The following SGCZ variants were observed in gnomAD, a reference collection of about 807,000 sequenced individuals.
SGCZ encodes zeta-sarcoglycan.
SGCZ carries 40 observed loss-of-function variants against 41.3 expected under a neutral mutation model. The observed-to-expected ratio is 0.97, with a 90% confidence interval of 0.75 to 1.26. The LOEUF (loss-of-function observed/expected upper bound fraction) is 1.26, where lower values mean the gene tolerates loss of function less well. SGCZ is among the 50% of genes most tolerant of loss of function. The probability of loss-of-function intolerance (pLI) is 0.00; values close to 1 mark genes in which losing one functional copy is unlikely to be tolerated. For synonymous variants in SGCZ, 206 were observed against 137.5 expected, an observed-to-expected ratio of 1.50 and a Z score of -3.49; for missense variants, 552 against 369.8, an observed-to-expected ratio of 1.49 and a Z score of -4.04.
chr8:14,326,516 G>A (rs115917355), intron 2 of SGCZ, among the ~76,000 whole-genome samples: 1 of 152,208 alleles, frequency 6.6e-6, no homozygotes, highest in South Asian at 2.1e-4. Flanking sequence ...GAGGTGACGA[G>A]GTCTGGATTG....
At chr8:14,888,095 T>C (rs1804877554) in intron 1 of SGCZ, among the ~76,000 whole-genome samples, 1 of 152,290 alleles carries the variant, frequency 6.6e-6, no homozygotes, top group African/African-American at 2.4e-5. Context: ...ATATAATTTG[T>C]CAAGATGTAA....
intron 1 of SGCZ, among the ~76,000 whole-genome samples, chr8:15,088,598 A>G (rs974591926): frequency 4.6e-5 from 4 of 87,460 alleles, no homozygotes; most frequent in African/African-American, 1.2e-4. Flanking sequence ...GACATTTGAG[A>G]CTTAAAGCTA....
At position 15,066,285 on chromosome 8, in the gene SGCZ, G is replaced by A. The variant is rs574987682; in HGVS notation, c.39+171300C>T. Among the ~76,000 whole-genome samples the A allele has an allele frequency of 2.1e-3, 314 of 147,326 alleles. 1 individual carries two copies. The highest frequency in any genetic ancestry group is 7.5e-3 in the African/African-American group (299 of 39,976). On this transcript the variant is annotated intron_variant, in intron 1 of 7. Coordinates refer to ENST00000382080, the MANE Select transcript of SGCZ (RefSeq NM_139167.4). ...ATTGCGCCACTGCAGTCCGCAGTCC[G>A]GCCTGGGCGACAGAGCGAGACTCCG...
intron 1 of SGCZ, among the ~76,000 whole-genome samples, chr8:14,565,817 C>T (rs1246084309): frequency 6.6e-6 from 1 of 152,052 alleles, no homozygotes; most frequent in African/African-American, 2.4e-5. Context: ...GCTTCCATAA[C>T]ACTGATAATA....
intron 1 of SGCZ, among the ~76,000 whole-genome samples, chr8:15,179,364 G>A (rs1800095902): frequency 6.6e-6 from 1 of 152,062 alleles, no homozygotes; most frequent in Non-Finnish European, 1.5e-5. Context: ...AAAAAACTGA[G>A]AATACAGATT....
intron 2 of SGCZ, among the ~76,000 whole-genome samples, chr8:14,428,490 A>G (rs546320537): frequency 1.4e-4 from 22 of 152,174 alleles, no homozygotes; most frequent in Non-Finnish European, 2.8e-4. Flanking sequence ...TTTAAATGTG[A>G]AAAGAAATTA....
chr8:14,349,005 T>C (rs1487641640), intron 2 of SGCZ, among the ~76,000 whole-genome samples: 1 of 152,126 alleles, frequency 6.6e-6, no homozygotes, highest in Non-Finnish European at 1.5e-5. Flanking sequence ...TAGAGTCATG[T>C]TCCAAACTAA....
intron 1 of SGCZ, among the ~76,000 whole-genome samples, chr8:15,101,218 T>C (rs1806599154): frequency 6.6e-6 from 1 of 152,164 alleles, no homozygotes; most frequent in African/African-American, 2.4e-5. Flanking sequence ...ACCAAATGTA[T>C]AATCCATGAA....
chr8:14,615,994 A>G (rs1806087728), intron 1 of SGCZ, among the ~76,000 whole-genome samples: 1 of 152,122 alleles, frequency 6.6e-6, no homozygotes. Flanking sequence ...GTAGTATGGA[A>G]AACCCTGGGC....
chr8:15,094,764 T>C (rs994471021), intron 1 of SGCZ, among the ~76,000 whole-genome samples: 2 of 152,182 alleles, frequency 1.3e-5, no homozygotes, highest in African/African-American at 4.8e-5. Flanking sequence ...GTTCTCTTGA[T>C]AGTGAGTTGT....
At chr8:15,045,464 A>G (rs986884591) in intron 1 of SGCZ, among the ~76,000 whole-genome samples, 1 of 152,086 alleles carries the variant, frequency 6.6e-6, no homozygotes, top group Non-Finnish European at 1.5e-5. Context: ...GTTTGTATAC[A>G]TGTTTCAATC....
chr8:14,470,522 T>G (rs2116976861), intron 2 of SGCZ, among the ~76,000 whole-genome samples: 1 of 152,302 alleles, frequency 6.6e-6, no homozygotes, highest in Admixed American at 6.5e-5. Flanking sequence ...TAAAGTTATT[T>G]AATTCCAGAC....
At chr8:14,874,207 G>A (rs1235535386) in intron 1 of SGCZ, among the ~76,000 whole-genome samples, 1 of 152,026 alleles carries the variant, frequency 6.6e-6, no homozygotes, top group Non-Finnish European at 1.5e-5. Context: ...GTTCTCTCTG[G>A]AAATATTCAT....
At chr8:14,660,774 G>C (rs1466308766) in intron 1 of SGCZ, among the ~76,000 whole-genome samples, 2 of 151,938 alleles carry the variant, frequency 1.3e-5, no homozygotes, top group Non-Finnish European at 2.9e-5. Context: ...AAATAAAGAA[G>C]AAACTGGAGA....
At chr8:15,083,684 G>A (rs1186838091) in intron 1 of SGCZ, among the ~76,000 whole-genome samples, 1 of 152,102 alleles carries the variant, frequency 6.6e-6, no homozygotes, top group African/African-American at 2.4e-5. Flanking sequence ...GAGTAGCTGA[G>A]GCCACAGGCA....
chr8:15,206,463 T>TA (rs1801070247), intron 1 of SGCZ, among the ~76,000 whole-genome samples: 1 of 150,844 alleles, frequency 6.6e-6, no homozygotes, highest in Non-Finnish European at 1.5e-5. Context: ...TTTTTTTTTT[T>TA]TTCTTGAGAT....
chr8:14,695,283 CT>C (rs1336428669), intron 1 of SGCZ, among the ~76,000 whole-genome samples: 2 of 151,914 alleles, frequency 1.3e-5, no homozygotes, highest in Admixed American at 1.3e-4. Flanking sequence ...GAGGAAAAAC[CT>C]ATAACCATAA....
At chr8:15,220,071 T>A (rs1801541465) in intron 1 of SGCZ, among the ~76,000 whole-genome samples, 1 of 152,136 alleles carries the variant, frequency 6.6e-6, no homozygotes, top group African/African-American at 2.4e-5. Context: ...CAGATATGGA[T>A]CTTAAAATAA....
At chr8:14,396,968 C>G (rs781182768) in intron 2 of SGCZ, among the ~76,000 whole-genome samples, 3 of 152,058 alleles carry the variant, frequency 2.0e-5, no homozygotes, top group Non-Finnish European at 4.4e-5. Context: ...TTACACTTCT[C>G]CTTTATAAGA....
Sources: allele counts gnomAD v4.1 joint callset (sites outside exome capture counted in the v4.1 genomes callset), GRCh38; gene constraint gnomAD v4.1.1; transcripts MANE v1.5; gene names NCBI Gene and HGNC (gene_info 2026-07-23, HGNC 2026-07-21).